Variants in NAV3 observed in about 807,000 individuals in gnomAD.
The protein encoded by NAV3 is pore membrane and/or filament interacting like protein 1.
A neutral mutation model predicts 244.7 loss-of-function variants in NAV3; 87 were observed. The ratio of observed to expected loss-of-function variants is 0.36; its 90% confidence interval spans 0.30 to 0.42. The LOEUF (loss-of-function observed/expected upper bound fraction) is 0.42. NAV3 is among the 20% of genes least tolerant of loss of function. NAV3 has a pLI of 1.00. For synonymous variants in NAV3, 1,126 were observed against 1,042.2 expected (o/e 1.08, Z -1.55); for missense variants, 2,663 against 2,893.3 (o/e 0.92, Z 1.83).
At chr12:78,007,555 T>A in intron 8 of NAV3, 110 bp downstream of exon 8, 2 of 1,184,826 alleles carry the variant, frequency 1.7e-6, no homozygotes, top group Non-Finnish European at 2.3e-6. Context: ...CATTTTGGAG[T>A]AAAGTTTCAT....
At chr12:77,781,516 C>A (rs563387013) in intron 2 of NAV3, among the ~76,000 whole-genome samples, 1 of 152,160 alleles carries the variant, frequency 6.6e-6, no homozygotes, top group Non-Finnish European at 1.5e-5. Flanking sequence ...CTCCCCACCC[C>A]CTGCTTTGAG....
rs905304398 is a variant in NAV3, at chr12:77,808,812, T to C, written c.73-131507T>C. ...CACCAGGTGCTCTTTCCCAGGGAGA[T>C]GGGAGTTTTATCTATAAGCTCCTGA... On this transcript the variant is annotated intron_variant, in intron 2 of 8. Transcript: ENST00000550042. 3.3e-5 allele frequency among the ~76,000 whole-genome samples: 5 copies of C among 152,326 alleles called. No homozygotes were observed. The East Asian group carries it at 7.7e-4, about 24-fold the overall frequency.
At chr12:77,574,488 CATTT>C (rs767014134) in intron 2 of NAV3, among the ~76,000 whole-genome samples, 1 of 152,016 alleles carries the variant, frequency 6.6e-6, no homozygotes, top group Non-Finnish European at 1.5e-5. Context: ...ATTAGAAGGT[CATTT>C]ATTTAATTAC....
rs189835133 is a variant in NAV3 at position 78,122,074 on chromosome 12, C to T, written c.3884C>T (p.Thr1295Met). 4 of 1,614,060 alleles carry T rather than the reference C, an allele frequency of 2.5e-6. No individual in the cohort carries two copies. The highest frequency in any genetic ancestry group is 4.5e-5 in the East Asian group (2 of 44,878). ...QGSLESPSSGTGSMGSAGGLS... is the reference protein window; with the variant it reads ...QGSLESPSSGMGSMGSAGGLS... ...AGTCTGGAGTCACCGTCGTCCGGTA[C>T]GGGCAGCATGGGCAGTGCTGGTGGG... Residue 1295 changes from threonine to methionine, a missense_variant, in exon 16 of 40, where the codon ACG becomes ATG. Thr to Met is a moderately conservative substitution (Grantham distance 81, BLOSUM62 -1). This residue lies in a region of NAV3 where 354 missense variants were observed against 413.0 expected (regional missense o/e 0.86). Transcript: ENST00000397909.
intron 12 of NAV3, among the ~76,000 whole-genome samples, chr12:78,087,171 G>C (rs1230706124): frequency 2.0e-5 from 3 of 151,950 alleles, no homozygotes; most frequent in Non-Finnish European, 4.4e-5. Flanking sequence ...CTTCAGGTCT[G>C]GCAGTGATTT....
intron 2 of NAV3, among the ~76,000 whole-genome samples, chr12:77,628,933 A>G (rs1274656084): frequency 2.0e-5 from 3 of 151,014 alleles, no homozygotes; most frequent in Non-Finnish European, 4.4e-5. Context: ...CAAAATCAAA[A>G]TGTATCCTCT....
At chr12:77,680,977 G>T (rs527830465) in intron 2 of NAV3, among the ~76,000 whole-genome samples, 3 of 152,066 alleles carry the variant, frequency 2.0e-5, no homozygotes, top group South Asian at 4.1e-4. Flanking sequence ...TCCGATTTTG[G>T]GGGGAGGGGC....
At chr12:77,979,529 G>A (rs1869142666) in intron 5 of NAV3, among the ~76,000 whole-genome samples, 1 of 151,808 alleles carries the variant, frequency 6.6e-6, no homozygotes, top group South Asian at 2.1e-4. Flanking sequence ...TTAGATTTAG[G>A]GGATTTGCAT....
chr12:78,193,892 G>A (rs932767044), intron 34 of NAV3, among the ~76,000 whole-genome samples: 1 of 151,876 alleles, frequency 6.6e-6, no homozygotes, highest in African/African-American at 2.4e-5. Context: ...ATTCCTTTGT[G>A]CCTCCCCACT....
chr12:77,896,942 C>T (rs888440917), intron 1 of NAV3, among the ~76,000 whole-genome samples: 1 of 152,192 alleles, frequency 6.6e-6, no homozygotes, highest in Admixed American at 6.5e-5. Flanking sequence ...CTACATCAGA[C>T]TCTTCAATCC....
chr12:78,014,978 A>G (rs1296784701), intron 8 of NAV3, among the ~76,000 whole-genome samples: 1 of 152,076 alleles, frequency 6.6e-6, no homozygotes, highest in East Asian at 1.9e-4. Flanking sequence ...TTCCTCGCAC[A>G]GCGGTATTTT....
intron 12 of NAV3, chr12:78,091,795 C>CAAAAAAAAAAAAAAAAAAAAAAAAAAA (rs57863867): frequency 3.9e-4 from 40 of 103,730 alleles, no homozygotes; most frequent in Non-Finnish European, 6.1e-4. Context: ...GACTCCGTCT[C>CAAAAAAAAAAAAAAAAAAAAAAAAAAA]AAAAAAAAAA....
intron 12 of NAV3, among the ~76,000 whole-genome samples, chr12:78,076,852 G>A (rs1175204304): frequency 6.6e-6 from 1 of 152,048 alleles, no homozygotes; most frequent in East Asian, 1.9e-4. Flanking sequence ...GAAATTCAAG[G>A]CTTTCTAGCT....
intron 2 of NAV3, among the ~76,000 whole-genome samples, chr12:77,647,065 T>TACACACACAC (rs113864567): frequency 6.1e-5 from 8 of 130,416 alleles, no homozygotes; most frequent in African/African-American, 2.7e-4. Context: ...AACATATATA[T>TACACACACAC]ATACACACAC....
rs2140140533 is a variant in NAV3, at chr12:78,210,495, C to A, written c.7136C>A (p.Ser2379Ter). 2 of 1,613,778 alleles carry A rather than the reference C, an allele frequency of 1.2e-6. No homozygotes were observed. Among genetic ancestry groups the A allele is most frequent in the Non-Finnish European group, 1.7e-6 (2 of 1,179,834 alleles). Reference protein sequence around the residue: ...STSHHEDILDSSLESTL With the variant: ...STSHHEDILD ...AGCCACCATGAAGACATTTTGGATT[C>A]ATCTCTTGAATCTACCCTCTAGAGG... Residue 2379 changes from serine (S) to a stop codon, truncating the protein, a stop_gained, in exon 40 of 40, where the codon TCA becomes TAA. Coordinates refer to ENST00000397909, the MANE Select transcript of NAV3 (RefSeq NM_001024383.2). LOFTEE classifies it high-confidence loss of function.
chr12:77,995,813 G>A (rs1252816530), intron 6 of NAV3, among the ~76,000 whole-genome samples: 3 of 152,004 alleles, frequency 2.0e-5, no homozygotes, highest in African/African-American at 7.2e-5. Flanking sequence ...GATGGGTAAG[G>A]AACAGTCACC....
intron 2 of NAV3, among the ~76,000 whole-genome samples, chr12:77,656,365 C>T (rs1325451483): frequency 2.4e-5 from 3 of 125,172 alleles, no homozygotes; most frequent in African/African-American, 7.1e-5. Flanking sequence ...CAAAGAAGGC[C>T]ATTACATAAT....
At chr12:77,898,712 A>G (rs1884921200) in intron 1 of NAV3, among the ~76,000 whole-genome samples, 1 of 152,196 alleles carries the variant, frequency 6.6e-6, no homozygotes, top group South Asian at 2.1e-4. Context: ...TAAAACGTGG[A>G]CAAATATAGA....
At chr12:78,082,233 C>T (rs913491594) in intron 12 of NAV3, among the ~76,000 whole-genome samples, 2 of 152,184 alleles carry the variant, frequency 1.3e-5, no homozygotes, top group Admixed American at 6.5e-5. Flanking sequence ...AAACTTCTTT[C>T]CTTTATAAAT....
Sources: allele counts gnomAD v4.1 joint callset (sites outside exome capture counted in the v4.1 genomes callset), GRCh38; gene constraint gnomAD v4.1.1; regional missense constraint gnomAD v4.1.1; transcripts MANE v1.5; gene names NCBI Gene and HGNC (gene_info 2026-07-23, HGNC 2026-07-21).